The following FSTL5 variants were observed in gnomAD, a reference collection of about 807,000 sequenced individuals.
FSTL5 encodes the protein follistatin-related protein 5.
In FSTL5, 62 loss-of-function variants were observed where a neutral mutation model predicts 89.1. That is an observed-to-expected ratio of 0.70 (90% CI 0.57 to 0.86). The LOEUF is 0.86. Ranked by LOEUF, FSTL5 falls within the 40% of genes least tolerant of loss-of-function variation. FSTL5 has a pLI of 0.00. For missense variants in FSTL5, 1,057 were observed against 1,001.6 expected, an observed-to-expected ratio of 1.06 and a Z score of -0.75; for synonymous variants, 383 against 346.2, an observed-to-expected ratio of 1.11 and a Z score of -1.18.
intron 15 of FSTL5, among the ~76,000 whole-genome samples, chr4:161,425,350 C>T (rs547672924): frequency 1.2e-3 from 183 of 152,142 alleles, no homozygotes; most frequent in Middle Eastern, 3.4e-3. Flanking sequence ...TTAGCCATAT[C>T]GAGGTATGTT....
chr4:161,409,340 C>G (rs950933464), intron 15 of FSTL5, among the ~76,000 whole-genome samples: 4 of 152,128 alleles, frequency 2.6e-5, no homozygotes, highest in Admixed American at 2.6e-4. Flanking sequence ...AGAAATAAAA[C>G]TTTTCCCTGA....
intron 6 of FSTL5, among the ~76,000 whole-genome samples, chr4:161,701,772 A>C (rs577142078): frequency 6.6e-6 from 1 of 152,262 alleles, no homozygotes; most frequent in East Asian, 1.9e-4. Flanking sequence ...TAAGTGGCTT[A>C]TTCAGATGTT....
intron 4 of FSTL5, among the ~76,000 whole-genome samples, chr4:161,914,471 A>G (rs948130800): frequency 2.6e-5 from 4 of 152,186 alleles, no homozygotes; most frequent in Non-Finnish European, 5.9e-5. Context: ...GTGGGGTAGT[A>G]AAATAATATT....
intron 11 of FSTL5, among the ~76,000 whole-genome samples, chr4:161,509,619 C>G (rs2126498772): frequency 6.6e-6 from 1 of 152,228 alleles, no homozygotes; most frequent in Non-Finnish European, 1.5e-5. Context: ...TGGGTTCCTA[C>G]AGGAAGCTAT....
At chr4:161,765,227 G>A (rs1740951544) in intron 5 of FSTL5, among the ~76,000 whole-genome samples, 2 of 152,100 alleles carry the variant, frequency 1.3e-5, no homozygotes, top group South Asian at 4.1e-4. Context: ...GGATGATCTG[G>A]ACAAACATCA....
At chr4:161,959,657 T>C (rs533340901) in intron 3 of FSTL5, among the ~76,000 whole-genome samples, 8 of 152,254 alleles carry the variant, frequency 5.3e-5, no homozygotes, top group Non-Finnish European at 1.2e-4. Context: ...AGAAGTATTA[T>C]ATATTTAGAC....
chr4:161,770,001 C>T (rs1216554833), intron 5 of FSTL5, among the ~76,000 whole-genome samples: 1 of 151,804 alleles, frequency 6.6e-6, no homozygotes, highest in Non-Finnish European at 1.5e-5. Context: ...GAAAATGTGG[C>T]CTGTATACAT....
intron 3 of FSTL5, among the ~76,000 whole-genome samples, chr4:162,022,230 A>T (rs1043708640): frequency 6.6e-6 from 1 of 152,146 alleles, no homozygotes; most frequent in African/African-American, 2.4e-5. Context: ...TACATTTTAC[A>T]TTTAAACAAG....
At chr4:161,952,783 G>A (rs1734933686) in intron 3 of FSTL5, among the ~76,000 whole-genome samples, 1 of 151,796 alleles carries the variant, frequency 6.6e-6, no homozygotes, top group Admixed American at 6.6e-5. Context: ...TATCTGGCCA[G>A]GTAAGTGAAA....
At chr4:161,450,668 T>C (rs1388344386) in intron 15 of FSTL5, among the ~76,000 whole-genome samples, 1 of 152,210 alleles carries the variant, frequency 6.6e-6, no homozygotes, top group African/African-American at 2.4e-5. Flanking sequence ...ATAATTGATT[T>C]TAGAAGGTAA....
At chr4:162,067,317 T>C (rs540657594) in intron 2 of FSTL5, among the ~76,000 whole-genome samples, 34 of 152,228 alleles carry the variant, frequency 2.2e-4, no homozygotes, top group African/African-American at 7.7e-4. Context: ...CCTCCCAAAG[T>C]GCTGAGATTA....
chr4:161,900,169 T>G (rs1733305697), intron 4 of FSTL5, among the ~76,000 whole-genome samples: 1 of 151,896 alleles, frequency 6.6e-6, no homozygotes, highest in Non-Finnish European at 1.5e-5. Flanking sequence ...CACTCCAGCC[T>G]GCGTGACAGA....
chr4:161,640,540 T>G (rs1001009789), intron 7 of FSTL5, among the ~76,000 whole-genome samples: 2 of 152,126 alleles, frequency 1.3e-5, no homozygotes, highest in Non-Finnish European at 2.9e-5. Flanking sequence ...ACTAGTGGGA[T>G]TCAAATGCAG....
At chr4:161,929,203 T>C (rs191808854) in intron 3 of FSTL5, among the ~76,000 whole-genome samples, 2 of 151,166 alleles carry the variant, frequency 1.3e-5, no homozygotes, top group East Asian at 3.9e-4. Flanking sequence ...TTCAGCACCA[T>C]TTGTTGACAA....
At chr4:161,791,043 C>T (rs1729457367) in intron 4 of FSTL5, among the ~76,000 whole-genome samples, 1 of 152,112 alleles carries the variant, frequency 6.6e-6, no homozygotes, top group Non-Finnish European at 1.5e-5. Context: ...GCATGATCTG[C>T]ATTTCTATCA....
intron 4 of FSTL5, among the ~76,000 whole-genome samples, chr4:161,902,131 T>C (rs922203938): frequency 6.6e-6 from 1 of 152,182 alleles, no homozygotes; most frequent in Non-Finnish European, 1.5e-5. Flanking sequence ...TTATAAATTA[T>C]CTATAATGAT....
intron 4 of FSTL5, among the ~76,000 whole-genome samples, chr4:161,792,063 C>G (rs1729496280): frequency 1.3e-5 from 2 of 152,134 alleles, no homozygotes; most frequent in Non-Finnish European, 2.9e-5. Flanking sequence ...CCCTTGGTGG[C>G]CCAAGAAGTT....
At chr4:161,992,860 AAATATATATAT>A (rs1376495821) in intron 3 of FSTL5, among the ~76,000 whole-genome samples, 183 of 10,636 alleles carry the variant, frequency 0.017, 2 homozygotes, top group East Asian at 0.059. Context: ...AAAAAAAAAA[AAATATATATAT>A]ATATATATAT....
intron 6 of FSTL5, among the ~76,000 whole-genome samples, chr4:161,722,392 G>T (rs996136161): frequency 1.3e-5 from 2 of 152,100 alleles, no homozygotes; most frequent in African/African-American, 4.8e-5. Context: ...TTTTCAGAAT[G>T]ATTATATCCA....
Sources: allele counts gnomAD v4.1 joint callset (sites outside exome capture counted in the v4.1 genomes callset), GRCh38; gene constraint gnomAD v4.1.1; transcripts MANE v1.5; gene names NCBI Gene and HGNC (gene_info 2026-07-23, HGNC 2026-07-21).